DYNC2H1: variants seen among roughly 807,000 people sequenced by gnomAD.
The protein encoded by DYNC2H1 is cytoplasmic dynein 2 heavy chain 1.
DYNC2H1 carries 410 observed loss-of-function variants against 570.0 expected under a neutral mutation model. The observed-to-expected ratio is 0.72, with a 90% confidence interval of 0.66 to 0.78. The LOEUF (loss-of-function observed/expected upper bound fraction) is 0.78. Ranked by LOEUF, DYNC2H1 falls within the 30% of genes least tolerant of loss-of-function variation. The pLI is 0.00. For missense variants in DYNC2H1, 4,865 were observed against 5,046.4 expected (o/e 0.96, Z 1.09); for synonymous variants, 1,688 against 1,677.6 (o/e 1.01, Z -0.15).
chr11:103,186,579 G>A lies in DYNC2H1; in HGVS notation c.6893+78G>A. On this transcript the variant is annotated intron_variant, in intron 42 of 88. Transcript: ENST00000375735. This position sits in a 1 kb window ranked among gnomAD's most constrained non-coding sequence, Gnocchi z 4.5. The stretch of plus-strand genomic sequence containing the variant: ...TAATTGATTTAATGGCTTTTGTTAT[G>A]TTTCTTTTGGTTAAAGTAGCATTTA... The A allele has an allele frequency of 6.7e-7, 1 of 1,495,588 alleles. No individual in the cohort carries two copies. Among genetic ancestry groups the A allele is most frequent in the Non-Finnish European group, 8.9e-7 (1 of 1,125,106 alleles). 92.6% of individuals were successfully genotyped at this position (1,495,588 alleles called of 1,614,324 possible).
chr11:103,402,403 A>C (rs1942679996), intron 84 of DYNC2H1: 1 of 152,168 alleles, frequency 6.6e-6, no homozygotes, highest in South Asian at 2.1e-4. Flanking sequence ...GCTTTCTTGG[A>C]TAATATCACG....
intron 88 of DYNC2H1, among the ~76,000 whole-genome samples, chr11:103,477,588 T>C (rs570683250): frequency 6.6e-6 from 1 of 152,096 alleles, no homozygotes; most frequent in African/African-American, 2.4e-5. Flanking sequence ...TCCCAGCACT[T>C]TGGGAGGCCG....
rs1412120452 is a variant in DYNC2H1 at position 103,191,480 on chromosome 11, G to A, written c.7438-37G>A. The A allele has an allele frequency of 2.8e-6, 4 of 1,447,740 alleles. No homozygotes were observed. In the South Asian group the frequency reaches 3.7e-5, roughly 13 times the overall value. 89.7% of individuals were successfully genotyped at this position (1,447,740 alleles called of 1,614,324 possible). Reference sequence around the variant, plus strand: ...ATTTATAACATGATTATTATTTAAGGCAGTAGAAAGATTGTTTACTGTATT... The same window carrying A: ...ATTTATAACATGATTATTATTTAAGACAGTAGAAAGATTGTTTACTGTATT... On this transcript the variant is annotated intron_variant, in intron 45 of 88. Transcript: ENST00000375735.
chr11:103,421,910 GTT>G (rs33961802), intron 84 of DYNC2H1, among the ~76,000 whole-genome samples: 1,272 of 49,066 alleles, frequency 0.026, 16 homozygotes, highest in African/African-American at 0.081. Flanking sequence ...CCAAGAACTG[GTT>G]TTTTTTTTTT....
chr11:103,277,994 C>G lies in DYNC2H1; in HGVS notation c.10696-2354C>G, dbSNP rs1865977782. ...GTTAATATTTCTCCTTATGTTGGCT[C>G]TGGTAGGTTGTGCCCTAGGTTACCA... On this transcript the variant is annotated intron_variant, in intron 70 of 88. Coordinates refer to ENST00000375735, the MANE Select transcript of DYNC2H1 (RefSeq NM_001377.3). This position sits in a 1 kb window ranked among gnomAD's most constrained non-coding sequence, Gnocchi z 4.3. Among the ~76,000 whole-genome samples the G allele has an allele frequency of 6.6e-6, 1 of 152,136 alleles. No homozygotes were observed. The highest frequency in any genetic ancestry group is 1.5e-5 in the Non-Finnish European group (1 of 68,030).
At chr11:103,164,081 A>G (rs1379406457) in intron 30 of DYNC2H1, among the ~76,000 whole-genome samples, 1 of 152,214 alleles carries the variant, frequency 6.6e-6, no homozygotes, top group African/African-American at 2.4e-5. Flanking sequence ...CCATTGTAGA[A>G]CCAGAGTAGA....
Position 103,157,422 on chromosome 11 carries a change from A to C in DYNC2H1, c.4127+652A>C, listed in dbSNP as rs932947602. ...ACTGAATCCATGAGCTTAATTTACCAGTTCCTTTCCAACAAATCTTTCTTC... is the reference window on the plus strand; with the variant it reads ...ACTGAATCCATGAGCTTAATTTACCCGTTCCTTTCCAACAAATCTTTCTTC... On this transcript the variant is annotated intron_variant, in intron 26 of 88. Transcript: ENST00000375735. This position sits in a 1 kb window ranked among gnomAD's most constrained non-coding sequence, Gnocchi z 4.2. Among the ~76,000 whole-genome samples, 3 of 152,250 alleles carry C rather than the reference A, an allele frequency of 2.0e-5. No individual in the cohort carries two copies. Among genetic ancestry groups the C allele is most frequent in the Admixed American group, 1.3e-4 (2 of 15,284 alleles).
intron 83 of DYNC2H1, among the ~76,000 whole-genome samples, chr11:103,364,603 T>G (rs1043326067): frequency 6.6e-5 from 10 of 151,126 alleles, no homozygotes; most frequent in South Asian, 2.1e-4. Context: ...CTTGTTGTTT[T>G]TTTTTTTTTT....
intron 17 of DYNC2H1, among the ~76,000 whole-genome samples, chr11:103,139,721 T>A (rs1218394487): frequency 3.3e-5 from 5 of 151,972 alleles, no homozygotes; most frequent in African/African-American, 1.2e-4. Flanking sequence ...TCTGTAGATG[T>A]CTATTAGGTC....
intron 87 of DYNC2H1, among the ~76,000 whole-genome samples, chr11:103,460,566 A>C (rs916892575): frequency 2.1e-5 from 3 of 146,264 alleles, no homozygotes; most frequent in African/African-American, 7.6e-5. Context: ...ATTTTTAAGC[A>C]ATTAATGGGG....
intron 85 of DYNC2H1, among the ~76,000 whole-genome samples, chr11:103,441,445 CTATT>C (rs1208382096): frequency 6.6e-6 from 1 of 150,692 alleles, no homozygotes; most frequent in Non-Finnish European, 1.5e-5. Context: ...ATATTATAAT[CTATT>C]TATTTTTAAA....
chr11:103,468,474 T>C (rs1222417407), intron 87 of DYNC2H1, 115 bp from the exon 88 acceptor site: 3 of 653,770 alleles, frequency 4.6e-6, no homozygotes, highest in Non-Finnish European at 7.8e-6. Flanking sequence ...TTTGTTTTCA[T>C]ATATTTGGAA....
rs190143204 is a variant in DYNC2H1, at chr11:103,296,472, T to A, written c.11096-6621T>A. Among the ~76,000 whole-genome samples, 5 of 152,320 alleles carry A rather than the reference T, an allele frequency of 3.3e-5. No homozygotes were observed. The East Asian group carries it at 9.6e-4, about 29-fold the overall frequency. Reference sequence around the variant, plus strand: ...CATCTAAGAATATGGAGAACAGTTGTCCCTGTATTTAGCACTAAAATTAGT... The same window carrying A: ...CATCTAAGAATATGGAGAACAGTTGACCCTGTATTTAGCACTAAAATTAGT... On this transcript the variant is annotated intron_variant, in intron 75 of 88. Coordinates refer to ENST00000375735, the MANE Select transcript of DYNC2H1 (RefSeq NM_001377.3).
chr11:103,343,562 C>A (rs977314722), intron 82 of DYNC2H1, among the ~76,000 whole-genome samples: 1 of 152,118 alleles, frequency 6.6e-6, no homozygotes, highest in African/African-American at 2.4e-5. Context: ...CTAACAAAAG[C>A]TATTCCTGAA....
intron 82 of DYNC2H1, among the ~76,000 whole-genome samples, chr11:103,332,694 T>C (rs931066670): frequency 5.3e-5 from 8 of 152,076 alleles, no homozygotes; most frequent in Non-Finnish European, 1.0e-4. Flanking sequence ...GCAAAATATC[T>C]TTCAAAATGA....
chr11:103,435,393 T>C (rs1353083701), intron 84 of DYNC2H1, among the ~76,000 whole-genome samples: 2 of 152,202 alleles, frequency 1.3e-5, no homozygotes, highest in Non-Finnish European at 2.9e-5. Flanking sequence ...GTGAAGAGTC[T>C]GCATTAATGG....
At chr11:103,120,852 T>G in intron 8 of DYNC2H1, 50 bp downstream of exon 8, 1 of 1,146,440 alleles carries the variant, frequency 8.7e-7, no homozygotes, top group South Asian at 3.2e-5. Context: ...AGCTAATATA[T>G]ATATAAAAAT....
At chr11:103,210,272 C>G (rs1390858584) in intron 53 of DYNC2H1, among the ~76,000 whole-genome samples, 3 of 151,948 alleles carry the variant, frequency 2.0e-5, no homozygotes, top group African/African-American at 7.2e-5. Context: ...GCAACCTAAA[C>G]TTTTCATATT....
chr11:103,362,589 T>C (rs905983409), intron 83 of DYNC2H1, among the ~76,000 whole-genome samples: 7 of 152,190 alleles, frequency 4.6e-5, no homozygotes, highest in Non-Finnish European at 8.8e-5. Context: ...CTTCTCAATG[T>C]CACATTTCAA....
Sources: gnomAD v4.1 joint callset for allele counts (sites outside exome capture counted in the v4.1 genomes callset) on GRCh38, gnomAD v4.1.1 for gene constraint, Gnocchi (gnomAD v3.1) non-coding constraint, MANE v1.5 for transcripts, NCBI Gene and HGNC (gene_info 2026-07-23, HGNC 2026-07-21) for gene names.